Variants in SLC7A6OS observed in about 807,000 individuals in gnomAD.
SLC7A6OS encodes solute carrier family 7 member 6 opposite strand.
SLC7A6OS carries 22 observed loss-of-function variants against 34.3 expected under a neutral mutation model. The ratio of observed to expected loss-of-function variants is 0.64; its 90% confidence interval spans 0.46 to 0.92. The LOEUF (loss-of-function observed/expected upper bound fraction) is 0.92. Among genes scored for constraint, SLC7A6OS ranks in the 40% least tolerant of loss-of-function variants. The pLI is 0.00. For missense variants in SLC7A6OS, 434 were observed against 407.7 expected, an observed-to-expected ratio of 1.06 and a Z score of -0.56; for synonymous variants, 199 against 165.0, an observed-to-expected ratio of 1.21 and a Z score of -1.58.
chr16:68,301,510 C>CAA (rs1361081912), intron 4 of SLC7A6OS, 105 bp from the exon 5 acceptor site: 1 of 879,544 alleles, frequency 1.1e-6, no homozygotes, highest in East Asian at 2.7e-5. Flanking sequence ...GATTGTAATG[C>CAA]AAAATCCTTG....
chr16:68,310,205 C>G, intron 2 of SLC7A6OS, 130 bp downstream of exon 2: 5 of 1,054,704 alleles, frequency 4.7e-6, no homozygotes, highest in Non-Finnish European at 5.4e-6. Flanking sequence ...ACAACCAAAT[C>G]TGTAAAATGA....
chr16:68,310,253 T>C (rs1343927139), intron 2 of SLC7A6OS, 82 bp downstream of exon 2: 1 of 1,428,344 alleles, frequency 7.0e-7, no homozygotes, highest in African/African-American at 1.4e-5. Flanking sequence ...CCCCTTAAGA[T>C]GAAACTGTGC....
Position 68,301,265 on chromosome 16 carries a change from C to T in SLC7A6OS, c.*10G>A. 6.2e-7 allele frequency: 1 copy of T among 1,613,874 alleles called. No individual in the cohort carries two copies. The highest frequency in any genetic ancestry group is 8.5e-7 in the Non-Finnish European group (1 of 1,179,822). On this transcript the variant is annotated 3_prime_UTR_variant, in exon 5 of 5. Coordinates refer to ENST00000263997, the MANE Select transcript of SLC7A6OS (RefSeq NM_032178.3). ...GCATGTGGCAGAACCTCATGGACAT[C>T]ACAAGACCATCAGTCTGAATCCAGG...
rs770690385 is a variant in SLC7A6OS at position 68,301,428 on chromosome 16, G to T, written c.800-23C>A. On this transcript the variant is annotated intron_variant, in intron 4 of 4. Transcript: ENST00000263997. ...AGCCTAGAATGACATCCCGGGAGTG[G>T]ATTCTAAATGTGATTTTCCTAGGCT... 4 of 1,605,046 alleles carry T rather than the reference G, an allele frequency of 2.5e-6. No individual in the cohort carries two copies. In the South Asian group the frequency reaches 4.4e-5, roughly 18 times the overall value.
At chr16:68,303,742 AT>A (rs2043305562) in intron 3 of SLC7A6OS, 3 of 379,540 alleles carry the variant, frequency 7.9e-6, no homozygotes, top group South Asian at 8.2e-5. Flanking sequence ...CCATATACAT[AT>A]TTCCCCCCTA....
At chr16:68,302,102 G>T in intron 4 of SLC7A6OS, 1 of 407,234 alleles carries the variant, frequency 2.5e-6, no homozygotes, top group Non-Finnish European at 4.4e-6. Flanking sequence ...ATCTCATTTG[G>T]AGAGAAAATG....
intron 2 of SLC7A6OS, among the ~76,000 whole-genome samples, chr16:68,306,117 G>GAAATA (rs1267489453): frequency 1.3e-5 from 2 of 152,170 alleles, no homozygotes; most frequent in African/African-American, 4.8e-5. Context: ...TACTCAGAAG[G>GAAATA]AAATAAACCA....
chr16:68,302,515 C>G lies in SLC7A6OS; in HGVS notation c.679-14G>C, dbSNP rs886537295. 6.2e-7 allele frequency: 1 copy of G among 1,614,128 alleles called. No homozygotes were observed. On this transcript the variant is annotated splice_polypyrimidine_tract_variant and intron_variant, in intron 3 of 4. Coordinates refer to ENST00000263997, the MANE Select transcript of SLC7A6OS (RefSeq NM_032178.3). ...ATCATCATTCACCTACACATCTCAA[C>G]ACAAACATGAGTCCAAGTCAAAACC...
Position 68,299,314 on chromosome 16 carries a change from C to G in SLC7A6OS, c.*1961G>C, listed in dbSNP as rs962739845. ...CTAATCCCAGGAATTTGCTGCCCCC[C>G]ACCAGTGGCTTCTAGGGAAAGCAAG... is the stretch of plus-strand genomic sequence containing the variant. On this transcript the variant is annotated 3_prime_UTR_variant, in exon 5 of 5. Coordinates refer to ENST00000263997, the MANE Select transcript of SLC7A6OS (RefSeq NM_032178.3). 1.1e-4 allele frequency: 17 copies of G among 152,780 alleles called. No individual in the cohort carries two copies. Among genetic ancestry groups the G allele is most frequent in the African/African-American group, 2.9e-4 (12 of 41,582 alleles). 9.5% of individuals were successfully genotyped at this position (152,780 alleles called of 1,614,324 possible). A position where few individuals can be genotyped will look rare whatever the true frequency, so the allele number is the denominator to read the frequency against.
In SLC7A6OS at chr16:68,310,482, G is replaced by A. The variant is rs1256611120; in HGVS notation, c.324C>T (p.Ser108=). The change falls in exon 2 of 5, where the codon AGC becomes AGT. Residue 108 remains serine (S), a synonymous_variant. Transcript: ENST00000263997. The stretch of plus-strand genomic sequence containing the variant: ...TCGAGGTGGTCCCCAAGGATCGGCG[G>A]CTGGAAAGCACCCGGTAGCGGCCCT... ...RQEGRYRVLS[S]RRSLGTTSSG... 3.8e-6 allele frequency: 6 copies of A among 1,594,522 alleles called. No individual in the cohort carries two copies. Among genetic ancestry groups the A allele is most frequent in the East Asian group, 2.3e-5 (1 of 43,880 alleles).
At chr16:68,309,602 G>A (rs1006392613) in intron 2 of SLC7A6OS, among the ~76,000 whole-genome samples, 7 of 152,166 alleles carry the variant, frequency 4.6e-5, no homozygotes, top group Non-Finnish European at 1.0e-4. Flanking sequence ...TGCAAATGAA[G>A]TTAGCAAATG....
At position 68,301,104 on chromosome 16, in the gene SLC7A6OS, C is replaced by G; in HGVS notation, c.*171G>C. The G allele has an allele frequency of 7.5e-7, 1 of 1,339,496 alleles. No individual in the cohort carries two copies. Among genetic ancestry groups the G allele is most frequent in the Non-Finnish European group, 9.6e-7 (1 of 1,042,530 alleles). The allele number at this position is 1,339,496 out of a possible 1,614,324, so 83.0% of individuals were successfully genotyped here. On this transcript the variant is annotated 3_prime_UTR_variant, in exon 5 of 5. Coordinates refer to ENST00000263997, the MANE Select transcript of SLC7A6OS (RefSeq NM_032178.3). The stretch of plus-strand genomic sequence containing the variant: ...CTACTGTAAGTGGAAAAGACTCACT[C>G]CCCTAACATAAGTTTTCACTGTGGT...
chr16:68,310,224 C>T (rs2043439034), intron 2 of SLC7A6OS, 111 bp downstream of exon 2: 2 of 1,224,260 alleles, frequency 1.6e-6, no homozygotes, highest in South Asian at 1.6e-5. Flanking sequence ...GAGGCCGTCA[C>T]GCCGGATGGA....
intron 4 of SLC7A6OS, 169 bp downstream of exon 4, chr16:68,302,212 C>T (rs1295553689): frequency 1.0e-5 from 7 of 694,922 alleles, no homozygotes; most frequent in African/African-American, 3.6e-5. Context: ...CCCCAGGAGG[C>T]CCCTGGGAAA....
At position 68,310,512 on chromosome 16, in the gene SLC7A6OS, C is replaced by A. The variant is rs557683987; in HGVS notation, c.294G>T (p.Arg98=). Residue 98 remains arginine (R), a synonymous_variant, in exon 2 of 5, where the codon CGG becomes CGT. Coordinates refer to ENST00000263997, the MANE Select transcript of SLC7A6OS (RefSeq NM_032178.3). ...AAAGCACCCGGTAGCGGCCCTCCTG[C>A]CGGACCTCCCGAGCCGAGGCGCGGA... The part of the protein sequence containing the change: ...RNLRASAREV[R]QEGRYRVLSS... 7 of 1,582,222 alleles carry A rather than the reference C, an allele frequency of 4.4e-6. No individual in the cohort carries two copies. The African/African-American group carries it at 6.7e-5, about 15-fold the overall frequency.
chr16:68,308,068 A>G (rs1273065450), intron 2 of SLC7A6OS, among the ~76,000 whole-genome samples: 1 of 151,552 alleles, frequency 6.6e-6, no homozygotes, highest in East Asian at 2.0e-4. Flanking sequence ...CGCCCGGCTA[A>G]TTTTTGTATT....
Position 68,299,158 on chromosome 16 carries a change from G to C in SLC7A6OS, c.*2117C>G, listed in dbSNP as rs1008794832. On this transcript the variant is annotated 3_prime_UTR_variant, in exon 5 of 5. Transcript: ENST00000263997. ...AAAGGCTGACTTGCCTGAACGCTAA[G>C]AACATGACTTCTGTCTGAGCTAAGC... 1 of 152,660 alleles carries C rather than the reference G, an allele frequency of 6.6e-6. No homozygotes were observed. Among genetic ancestry groups the C allele is most frequent in the Non-Finnish European group, 1.5e-5 (1 of 68,048 alleles). 9.5% of individuals were successfully genotyped at this position (152,660 alleles called of 1,614,324 possible).
In SLC7A6OS at chr16:68,298,966, AATAAC is replaced by A. The variant is rs2043221785; in HGVS notation, c.*2304_*2308del. 1 of 152,666 alleles carries A rather than the reference AATAAC, an allele frequency of 6.6e-6. No individual in the cohort carries two copies. Among genetic ancestry groups the A allele is most frequent in the Admixed American group, 6.5e-5 (1 of 15,276 alleles). 9.5% of individuals were successfully genotyped at this position (152,666 alleles called of 1,614,324 possible). ...TTCTCCACCCAGTCACAGATAAGGG[AATAAC>A]CTTGGCCATATATTTGCTCAATAAA... On this transcript the variant is annotated 3_prime_UTR_variant, in exon 5 of 5. Coordinates refer to ENST00000263997, the MANE Select transcript of SLC7A6OS (RefSeq NM_032178.3).
intron 2 of SLC7A6OS, among the ~76,000 whole-genome samples, chr16:68,309,171 T>G (rs185908779): frequency 6.6e-6 from 1 of 152,000 alleles, no homozygotes; most frequent in East Asian, 1.9e-4. Context: ...CACAGCTCAC[T>G]GCAATCTCTA....
Sources: gnomAD v4.1 joint callset for allele counts (sites outside exome capture counted in the v4.1 genomes callset) on GRCh38, gnomAD v4.1.1 for gene constraint, MANE v1.5 for transcripts, NCBI Gene and HGNC (gene_info 2026-07-23, HGNC 2026-07-21) for gene names.